PLXDC2: variants seen among roughly 807,000 people sequenced by gnomAD.
PLXDC2 encodes plexin domain containing 2.
In PLXDC2, 40 loss-of-function variants were observed where a neutral mutation model predicts 68.9. That is an observed-to-expected ratio of 0.58 (90% CI 0.45 to 0.76). PLXDC2 has a LOEUF of 0.76. Ranked by LOEUF, PLXDC2 falls within the 30% of genes least tolerant of loss-of-function variation. The pLI is 0.00. For synonymous variants in PLXDC2, 243 were observed against 234.2 expected (o/e 1.04, Z -0.34); for missense variants, 644 against 661.9 (o/e 0.97, Z 0.30).
intron 1 of PLXDC2, among the ~76,000 whole-genome samples, chr10:19,822,903 C>A (rs543979661): frequency 6.6e-6 from 1 of 151,956 alleles, no homozygotes; most frequent in East Asian, 1.9e-4. Flanking sequence ...CTGCTAGTTT[C>A]TTTCTGGATG....
chr10:20,011,654 T>C (rs187892852), intron 2 of PLXDC2, among the ~76,000 whole-genome samples: 8 of 152,310 alleles, frequency 5.3e-5, no homozygotes, highest in African/African-American at 7.2e-5. Flanking sequence ...AAAGACTAGG[T>C]TTTCTTCCTG....
At chr10:20,134,831 C>G (rs12242522) in intron 4 of PLXDC2, among the ~76,000 whole-genome samples, 1 of 152,026 alleles carries the variant, frequency 6.6e-6, no homozygotes, top group African/African-American at 2.4e-5. Flanking sequence ...CATGGGCCAG[C>G]CTGGAGCTCA....
At chr10:20,019,322 A>T (rs1300224638) in intron 2 of PLXDC2, among the ~76,000 whole-genome samples, 1 of 152,102 alleles carries the variant, frequency 6.6e-6, no homozygotes, top group East Asian at 1.9e-4. Context: ...TCCAGTGTAG[A>T]TTGAGAAATT....
intron 13 of PLXDC2, among the ~76,000 whole-genome samples, chr10:20,258,242 C>G (rs1835767614): frequency 6.6e-6 from 1 of 151,886 alleles, no homozygotes; most frequent in Non-Finnish European, 1.5e-5. Context: ...ACCCTGTGAC[C>G]CGCCCGCCTC....
At position 20,154,498 on chromosome 10, in the gene PLXDC2, A is replaced by G. The variant is rs142385078; in HGVS notation, c.783+6596A>G. Among the ~76,000 whole-genome samples the G allele has an allele frequency of 2.1e-3, 316 of 152,030 alleles. 3 individuals are homozygous for G. Among genetic ancestry groups the G allele is most frequent in the East Asian group, 0.014 (71 of 5,150 alleles). Reference sequence around the variant, plus strand: ...AGAATCTCTTGAACCCGGGAGGCAGAAGTTGCACTGAGCAGAGATCATGCC... The same window carrying G: ...AGAATCTCTTGAACCCGGGAGGCAGGAGTTGCACTGAGCAGAGATCATGCC... On this transcript the variant is annotated intron_variant, in intron 6 of 13. Coordinates refer to ENST00000377252, the MANE Select transcript of PLXDC2 (RefSeq NM_032812.9).
At chr10:20,001,703 C>A in intron 1 of PLXDC2, 72 bp from the exon 2 acceptor site, 1 of 1,390,096 alleles carries the variant, frequency 7.2e-7, no homozygotes. Flanking sequence ...CTTTTTTCTT[C>A]TCGAGCCGAT....
intron 9 of PLXDC2, among the ~76,000 whole-genome samples, chr10:20,205,571 A>C (rs1056624918): frequency 6.6e-6 from 1 of 152,124 alleles, no homozygotes; most frequent in Admixed American, 6.6e-5. Context: ...TTTCACATTA[A>C]TATGGTACAT....
At chr10:20,230,707 A>AAAAAAAAAAAAC (rs1564361132) in intron 12 of PLXDC2, among the ~76,000 whole-genome samples, 2 of 149,408 alleles carry the variant, frequency 1.3e-5, no homozygotes. Flanking sequence ...AAAAAAAAAA[A>AAAAAAAAAAAAC]AAAAAAACAG....
chr10:19,873,418 T>G (rs555069281), intron 1 of PLXDC2, among the ~76,000 whole-genome samples: 13 of 149,728 alleles, frequency 8.7e-5, no homozygotes, highest in African/African-American at 3.2e-4. Context: ...TTTTTTTTTT[T>G]TTTTTTTTTT....
At chr10:20,095,090 C>G (rs910912702) in intron 4 of PLXDC2, among the ~76,000 whole-genome samples, 1 of 152,168 alleles carries the variant, frequency 6.6e-6, no homozygotes, top group Admixed American at 6.5e-5. Flanking sequence ...AAGAAACAGG[C>G]ACAATTAATT....
chr10:19,876,619 AAAAAAAGAG>A (rs1837637357), intron 1 of PLXDC2, among the ~76,000 whole-genome samples: 1 of 150,352 alleles, frequency 6.7e-6, no homozygotes. Flanking sequence ...AAAAAAAAAA[AAAAAAAGAG>A]AGAGAGAGAG....
intron 12 of PLXDC2, among the ~76,000 whole-genome samples, chr10:20,227,155 A>G (rs1407860654): frequency 6.6e-6 from 1 of 152,102 alleles, no homozygotes; most frequent in East Asian, 1.9e-4. Flanking sequence ...CTCGGGAAAC[A>G]TTTCTTCAAC....
intron 13 of PLXDC2, among the ~76,000 whole-genome samples, chr10:20,273,251 ATTTTATTT>A (rs2119386539): frequency 6.6e-6 from 1 of 152,090 alleles, no homozygotes; most frequent in Non-Finnish European, 1.5e-5. Flanking sequence ...TTATGGCAAT[ATTTTATTT>A]TTTATTTTTA....
Position 20,245,327 on chromosome 10 carries a change from G to A in PLXDC2, c.1313-18G>A, listed in dbSNP as rs774005859. On this transcript the variant is annotated intron_variant, in intron 12 of 13. Transcript: ENST00000377252. The stretch of plus-strand genomic sequence containing the variant: ...GGGTAAACTCATGAAGGTCCTGACA[G>A]CTGGGATGTTCTTTCAGCTTCTACA... 3.7e-5 allele frequency: 59 copies of A among 1,602,334 alleles called. 3 individuals are homozygous for A. The highest frequency in any genetic ancestry group is 2.2e-4 in the East Asian group (10 of 44,702).
chr10:20,127,358 CAA>C (rs1833807244), intron 4 of PLXDC2, among the ~76,000 whole-genome samples: 1 of 152,034 alleles, frequency 6.6e-6, no homozygotes, highest in Non-Finnish European at 1.5e-5. Flanking sequence ...TCATGGAAAA[CAA>C]AAACATTTCT....
intron 9 of PLXDC2, among the ~76,000 whole-genome samples, chr10:20,196,104 G>A (rs570849638): frequency 8.5e-5 from 13 of 152,250 alleles, no homozygotes; most frequent in African/African-American, 3.1e-4. Flanking sequence ...GTTATGGGCT[G>A]TTTGCTTTGG....
chr10:20,082,064 C>CAAAAAAA (rs1252447303), intron 4 of PLXDC2, among the ~76,000 whole-genome samples: 777 of 69,388 alleles, frequency 0.011, 52 homozygotes, highest in South Asian at 0.014. Flanking sequence ...AAAAAAAAAT[C>CAAAAAAA]AAAAAAAAAA....
chr10:20,189,502 T>C (rs960133875), intron 9 of PLXDC2, among the ~76,000 whole-genome samples: 1 of 123,022 alleles, frequency 8.1e-6, no homozygotes, highest in African/African-American at 2.9e-5. Context: ...TATATATATA[T>C]ATACACATAC....
intron 1 of PLXDC2, among the ~76,000 whole-genome samples, chr10:19,921,117 T>G (rs1279085227): frequency 6.7e-6 from 1 of 149,718 alleles, no homozygotes; most frequent in East Asian, 1.9e-4. Context: ...TTCTTCTTTT[T>G]TTTTTTTTTT....
Sources: gnomAD v4.1 joint callset for allele counts (sites outside exome capture counted in the v4.1 genomes callset) on GRCh38, gnomAD v4.1.1 for gene constraint, MANE v1.5 for transcripts, NCBI Gene and HGNC (gene_info 2026-07-23, HGNC 2026-07-21) for gene names.